Variants in WBP2NL observed in about 807,000 individuals in gnomAD.
WBP2NL encodes WBP2 N-terminal like.
A neutral mutation model predicts 23.3 loss-of-function variants in WBP2NL; 27 were observed. The observed-to-expected ratio is 1.16, with a 90% CI of 0.85 to 1.60. The LOEUF (loss-of-function observed/expected upper bound fraction) is 1.60, where lower values mean the gene tolerates loss of function less well. WBP2NL is among the 40% of genes most tolerant of loss of function. The probability of loss-of-function intolerance (pLI) is 0.00; values close to 1 mark genes in which losing one functional copy is unlikely to be tolerated. For missense variants in WBP2NL, 370 were observed against 389.5 expected, an observed-to-expected ratio of 0.95 and a Z score of 0.42; for synonymous variants, 151 against 145.9, an observed-to-expected ratio of 1.03 and a Z score of -0.25.
At chr22:42,032,664 T>C (rs12167228), downstream of WBP2NL, 18,715 of 438,868 alleles carry the variant, frequency 0.043, 3,028 homozygotes, top group African/African-American at 0.35. Flanking sequence ...GTGAAACGTA[T>C]GATATTCTTC....
chr22:42,035,135 A>G (rs1325888280), downstream of WBP2NL, among the ~76,000 whole-genome samples: 2 of 152,274 alleles, frequency 1.3e-5, no homozygotes, highest in Non-Finnish European at 2.9e-5. Flanking sequence ...AGACTGCAGT[A>G]AAGACAGGCA....
intron 1 of WBP2NL, among the ~76,000 whole-genome samples, chr22:42,018,625 A>G (rs1435793542): frequency 1.3e-5 from 2 of 152,152 alleles, no homozygotes; most frequent in East Asian, 1.9e-4. Context: ...GGAACATGTC[A>G]GAGGGGGCTG....
At chr22:42,035,166 A>T (rs539069782), downstream of WBP2NL, among the ~76,000 whole-genome samples, 211 of 152,346 alleles carry the variant, frequency 1.4e-3, 1 homozygote, top group African/African-American at 4.8e-3. Context: ...CAAAAGTATT[A>T]ATTTGGGGAA....
At chr22:42,034,594 C>T (rs1354429529), downstream of WBP2NL, among the ~76,000 whole-genome samples, 1 of 152,096 alleles carries the variant, frequency 6.6e-6, no homozygotes, top group Non-Finnish European at 1.5e-5. Context: ...TTGAGATCAC[C>T]CGGTCTGACC....
At chr22:42,004,963 C>T (rs1383366752) in intron 1 of WBP2NL, among the ~76,000 whole-genome samples, 1 of 142,614 alleles carries the variant, frequency 7.0e-6, no homozygotes, top group Non-Finnish European at 1.5e-5. Flanking sequence ...TCATGCCTGT[C>T]ATCCCAGCAC....
At chr22:42,029,464 C>T (rs895857785), downstream of WBP2NL, among the ~76,000 whole-genome samples, 4 of 152,196 alleles carry the variant, frequency 2.6e-5, no homozygotes, top group Admixed American at 6.5e-5. Flanking sequence ...CTCCACCTCC[C>T]AGGTTCAGGC....
intron 8 of WBP2NL, among the ~76,000 whole-genome samples, chr22:42,039,752 G>T (rs1022989841): frequency 6.6e-6 from 1 of 151,742 alleles, no homozygotes; most frequent in Non-Finnish European, 1.5e-5. Flanking sequence ...CTAGCTAAAG[G>T]CTTGATGATT....
chr22:42,001,505 C>T lies in WBP2NL; in HGVS notation c.62+2625C>T, dbSNP rs191494497. Reference sequence around the variant, plus strand: ...CTTAACTAGGCAGTCACCGAAACCTCGCAATTCCCTTTCAGCTCCAGCTTT... The same window carrying T: ...CTTAACTAGGCAGTCACCGAAACCTTGCAATTCCCTTTCAGCTCCAGCTTT... On this transcript the variant is annotated intron_variant, in intron 1 of 5. Coordinates refer to ENST00000328823, the MANE Select transcript of WBP2NL (RefSeq NM_152613.3). 54 of 982,910 alleles carry T rather than the reference C, an allele frequency of 5.5e-5. 1 individual carries two copies. Among genetic ancestry groups the T allele is most frequent in the Admixed American group, 4.6e-4 (26 of 56,910 alleles). 60.9% of individuals were successfully genotyped at this position (982,910 alleles called of 1,614,324 possible).
intron 8 of WBP2NL, among the ~76,000 whole-genome samples, chr22:42,045,196 T>C (rs150023825): frequency 0.024 from 3,609 of 152,170 alleles, 152 homozygotes; most frequent in African/African-American, 0.083. Context: ...CCCAGCACTT[T>C]GGGAGTCCGA....
intron 1 of WBP2NL, among the ~76,000 whole-genome samples, chr22:42,017,409 CAGA>C (rs1460774138): frequency 2.0e-5 from 3 of 152,170 alleles, no homozygotes; most frequent in Non-Finnish European, 4.4e-5. Context: ...TGTGCCCAGC[CAGA>C]ATACTACCCA....
intron 5 of WBP2NL, among the ~76,000 whole-genome samples, chr22:42,023,269 C>T (rs779827688): frequency 3.8e-4 from 57 of 151,436 alleles, no homozygotes; most frequent in Admixed American, 2.6e-4. Context: ...CCTGCAGCCT[C>T]GACCCCCTGG....
chr22:42,028,621 C>T (rs1170865478), downstream of WBP2NL: 1 of 152,234 alleles, frequency 6.6e-6, no homozygotes, highest in Non-Finnish European at 1.5e-5. Context: ...GCTTTGGTGA[C>T]TTGAATACCA....
intron 1 of WBP2NL, among the ~76,000 whole-genome samples, chr22:41,999,101 G>C (rs1459963868): frequency 6.6e-6 from 1 of 152,048 alleles, no homozygotes; most frequent in African/African-American, 2.4e-5. Flanking sequence ...TTTGAGGGGT[G>C]GGGGTGGGAA....
intron 8 of WBP2NL, among the ~76,000 whole-genome samples, chr22:42,047,199 G>T (rs1331040502): frequency 6.9e-6 from 1 of 145,410 alleles, no homozygotes; most frequent in African/African-American, 2.6e-5. Context: ...TGTGTCAAGA[G>T]CTAAAACTGT....
At chr22:42,048,882 G>A (rs1271236264) in intron 8 of WBP2NL, among the ~76,000 whole-genome samples, 1 of 152,124 alleles carries the variant, frequency 6.6e-6, no homozygotes, top group African/African-American at 2.4e-5. Context: ...AAAACTCTGT[G>A]GTGGCAAATG....
At chr22:42,047,621 A>ATTTT (rs570138140) in intron 8 of WBP2NL, among the ~76,000 whole-genome samples, 3 of 133,062 alleles carry the variant, frequency 2.3e-5, no homozygotes, top group Non-Finnish European at 4.8e-5. Context: ...AACCAATCAA[A>ATTTT]TTTTTTTTTT....
At chr22:42,043,599 T>C (rs1925477562) in intron 8 of WBP2NL, among the ~76,000 whole-genome samples, 1 of 152,170 alleles carries the variant, frequency 6.6e-6, no homozygotes, top group Admixed American at 6.5e-5. Context: ...GGCATGTGCA[T>C]GGAGGGAAGG....
chr22:42,048,250 T>C (rs1925675119), intron 8 of WBP2NL, among the ~76,000 whole-genome samples: 1 of 144,820 alleles, frequency 6.9e-6, no homozygotes, highest in Non-Finnish European at 1.5e-5. Context: ...TGAAACCCTG[T>C]GTCTATTAAA....
intron 4 of WBP2NL, among the ~76,000 whole-genome samples, chr22:42,021,656 G>C (rs1569450351): frequency 6.6e-6 from 1 of 152,138 alleles, no homozygotes; most frequent in Non-Finnish European, 1.5e-5. Flanking sequence ...TCCTCACTTA[G>C]AAGTTTTTTC....
Sources: allele counts gnomAD v4.1 joint callset (sites outside exome capture counted in the v4.1 genomes callset), GRCh38; gene constraint gnomAD v4.1.1; transcripts MANE v1.5; gene names NCBI Gene and HGNC (gene_info 2026-07-23, HGNC 2026-07-21).